RBM33: variants seen among roughly 807,000 people sequenced by gnomAD.
RBM33 encodes RNA-binding protein 33.
Under a neutral mutation model 132.6 loss-of-function variants are expected in RBM33, and 28 were observed. That is an observed-to-expected ratio of 0.21 (90% CI 0.16 to 0.29). The LOEUF (loss-of-function observed/expected upper bound fraction) is 0.29. Ranked by LOEUF, RBM33 falls within the 10% of genes least tolerant of loss-of-function variation. RBM33 has a pLI of 1.00. For synonymous variants in RBM33, 634 were observed against 593.0 expected (o/e 1.07, Z -1.01); for missense variants, 1,291 against 1,518.5 (o/e 0.85, Z 2.49).
At chr7:155,698,448 A>AT (rs1478625662) in intron 5 of RBM33, among the ~76,000 whole-genome samples, 3 of 152,102 alleles carry the variant, frequency 2.0e-5, no homozygotes, top group East Asian at 1.9e-4. Context: ...AGGGGGATGG[A>AT]TTTTTTAAGC....
At chr7:155,673,415 T>G (rs7791973) in intron 3 of RBM33, among the ~76,000 whole-genome samples, 86,518 of 136,778 alleles carry the variant, frequency 0.63, 26,891 homozygotes, top group South Asian at 0.72. Flanking sequence ...TGTGTGTGTG[T>G]GTGTGTGTGT....
intron 1 of RBM33, among the ~76,000 whole-genome samples, chr7:155,655,767 A>G (rs1378598210): frequency 6.6e-6 from 1 of 152,060 alleles, no homozygotes; most frequent in African/African-American, 2.4e-5. Context: ...CAGGAAAAGT[A>G]CCTGTCCAGC....
chr7:155,747,175 G>A (rs1455286174), intron 14 of RBM33, among the ~76,000 whole-genome samples: 1 of 152,198 alleles, frequency 6.6e-6, no homozygotes, highest in Non-Finnish European at 1.5e-5. Context: ...GTTGTAATTA[G>A]AAATGTTGAG....
chr7:155,769,694 T>TGTAAAGG lies in RBM33; in HGVS notation c.3375+3040_3375+3041insTAAAGGG, dbSNP rs1802351537. ...ACCGAGAAGACAGCCCCTTTACGTC[T>TGTAAAGG]GGTTCTGACTGCAGGAAGGCCTGGT... On this transcript the variant is annotated intron_variant, in intron 16 of 17. Transcript: ENST00000401878. Among the ~76,000 whole-genome samples, 3 of 151,840 alleles carry TGTAAAGG rather than the reference T, an allele frequency of 2.0e-5. No individual in the cohort carries two copies. In the South Asian group the frequency reaches 6.2e-4, roughly 32 times the overall value.
At chr7:155,753,036 C>T (rs1801733888) in intron 14 of RBM33, among the ~76,000 whole-genome samples, 1 of 152,066 alleles carries the variant, frequency 6.6e-6, no homozygotes, top group Admixed American at 6.5e-5. Flanking sequence ...TATTTAAATA[C>T]TGTGTTAAAA....
intron 9 of RBM33, among the ~76,000 whole-genome samples, chr7:155,736,722 G>A (rs1286546449): frequency 6.6e-6 from 1 of 152,132 alleles, no homozygotes; most frequent in East Asian, 1.9e-4. Context: ...TTCTTTTAAA[G>A]TGAAGCAGCT....
At chr7:155,741,545 C>G (rs959510687) in intron 12 of RBM33, among the ~76,000 whole-genome samples, 1 of 152,100 alleles carries the variant, frequency 6.6e-6, no homozygotes, top group Non-Finnish European at 1.5e-5. Context: ...AAAGATCAGC[C>G]TGGTGTAATT....
At chr7:155,726,147 T>A (rs776438576) in intron 9 of RBM33, among the ~76,000 whole-genome samples, 24 of 152,330 alleles carry the variant, frequency 1.6e-4, no homozygotes, top group Non-Finnish European at 3.2e-4. Flanking sequence ...GTGGGATTAA[T>A]AAAGGAAAAC....
intron 1 of RBM33, among the ~76,000 whole-genome samples, chr7:155,659,824 A>C (rs1159568668): frequency 6.6e-6 from 1 of 152,224 alleles, no homozygotes; most frequent in Non-Finnish European, 1.5e-5. Flanking sequence ...ATGTACCAGC[A>C]GGGCCACACT....
In RBM33 at chr7:155,711,068, TA is replaced by T. The variant is rs1800272220; in HGVS notation, c.949-134del. On this transcript the variant is annotated intron_variant, in intron 7 of 17. Coordinates refer to ENST00000401878, the MANE Select transcript of RBM33 (RefSeq NM_053043.3). ...ATACAAGTTGTTACTACAGACTTCT[TA>T]CATTGTAACTTAAAAAATGCAATCA... 3.4e-5 allele frequency: 44 copies of T among 1,308,734 alleles called. 1 individual carries two copies. In the South Asian group the frequency reaches 7.3e-4, roughly 22 times the overall value. 81.1% of individuals were successfully genotyped at this position (1,308,734 alleles called of 1,614,324 possible). A position where few individuals can be genotyped will look rare whatever the true frequency, so the allele number is the denominator to read the frequency against.
chr7:155,701,214 T>C (rs1585457334), intron 6 of RBM33: 2 of 524,536 alleles, frequency 3.8e-6, no homozygotes, highest in Middle Eastern at 5.0e-4. Flanking sequence ...CTACAGCTGC[T>C]CTTGTACATG....
Position 155,745,012 on chromosome 7 carries a change from C to A in RBM33, c.2389C>A (p.Gln797Lys). 6.2e-7 allele frequency: 1 copy of A among 1,604,538 alleles called. No homozygotes were observed. The highest frequency in any genetic ancestry group is 8.5e-7 in the Non-Finnish European group (1 of 1,177,220). The change falls in exon 14 of 18, where the codon CAG (glutamine) becomes AAG (lysine). Residue 797 changes from glutamine (Q) to lysine (K), a missense_variant. Physicochemically the swap from Gln to Lys is moderately conservative, Grantham distance 53. This residue lies in a region of RBM33 where 841 missense variants were observed against 912.0 expected (regional missense o/e 0.92). Transcript: ENST00000401878. The surrounding 1 kb of genome is among the most constrained non-coding windows in gnomAD (Gnocchi z 4.1). The part of the protein sequence containing the change: ...TRLYRLKIEE[Q>K]KRLREEILKQ... ...GTTATATCGCTTAAAGATAGAAGAA[C>A]AGAAACGCCTAAGAGAAGAAATCCT...
At chr7:155,699,282 G>T (rs1432881422) in intron 5 of RBM33, among the ~76,000 whole-genome samples, 1 of 152,158 alleles carries the variant, frequency 6.6e-6, no homozygotes, top group African/African-American at 2.4e-5. Context: ...GGCGTCACCT[G>T]GGAGCTTGTT....
intron 12 of RBM33, among the ~76,000 whole-genome samples, chr7:155,740,824 G>GAC (rs1266738861): frequency 6.6e-6 from 1 of 152,176 alleles, no homozygotes; most frequent in East Asian, 1.9e-4. Flanking sequence ...AGGAAAGAGA[G>GAC]ACACAATGTG....
Position 155,775,714 on chromosome 7 carries a change from A to G in RBM33, c.*673A>G, listed in dbSNP as rs1802583114. 1 of 156,986 alleles carries G rather than the reference A, an allele frequency of 6.4e-6. No homozygotes were observed. The highest frequency in any genetic ancestry group is 1.9e-4 in the South Asian group (1 of 5,300). The allele number at this position is 156,986 out of a possible 1,614,324, so 9.7% of individuals were successfully genotyped here. A position where few individuals can be genotyped will look rare whatever the true frequency, so the allele number is the denominator to read the frequency against. ...TGAACTCCCCATTCATTTTTAACACACTTCCCAGATAAGGCAATGTGCTGG... is the reference window on the plus strand; with the variant it reads ...TGAACTCCCCATTCATTTTTAACACGCTTCCCAGATAAGGCAATGTGCTGG... On this transcript the variant is annotated 3_prime_UTR_variant, in exon 18 of 18. Coordinates refer to ENST00000401878, the MANE Select transcript of RBM33 (RefSeq NM_053043.3).
intron 1 of RBM33, among the ~76,000 whole-genome samples, 157 bp from the exon 2 acceptor site, chr7:155,665,018 T>C (rs1040000201): frequency 7.2e-5 from 11 of 152,228 alleles, no homozygotes; most frequent in African/African-American, 2.4e-4. Context: ...GTTTCATTAT[T>C]AAAAATGGCT....
chr7:155,768,709 C>T (rs1457518296), intron 16 of RBM33, among the ~76,000 whole-genome samples: 6 of 152,234 alleles, frequency 3.9e-5, no homozygotes, highest in African/African-American at 9.6e-5. Flanking sequence ...CTCCGCCTCC[C>T]GGGTTCAAGC....
At chr7:155,691,235 T>C (rs1290550334) in intron 5 of RBM33, among the ~76,000 whole-genome samples, 2 of 152,238 alleles carry the variant, frequency 1.3e-5, no homozygotes, top group African/African-American at 4.8e-5. Flanking sequence ...CAGTCACTGA[T>C]ACCCTTTCTT....
intron 8 of RBM33, among the ~76,000 whole-genome samples, chr7:155,716,152 A>G (rs189557175): frequency 1.3e-5 from 2 of 152,332 alleles, no homozygotes; most frequent in Non-Finnish European, 2.9e-5. Context: ...TCGCTGCAGT[A>G]GTCGGGCAGC....
Sources: allele counts gnomAD v4.1 joint callset (sites outside exome capture counted in the v4.1 genomes callset), GRCh38; gene constraint gnomAD v4.1.1; regional missense constraint gnomAD v4.1.1; non-coding constraint Gnocchi (gnomAD v3.1); transcripts MANE v1.5; gene names NCBI Gene and HGNC (gene_info 2026-07-23, HGNC 2026-07-21).